TSNARE1: variants seen among roughly 807,000 people sequenced by gnomAD.
The protein encoded by TSNARE1 is t-SNARE domain-containing protein 1.
In TSNARE1, 49 loss-of-function variants were observed where a neutral mutation model predicts 62.0. That is an observed-to-expected ratio of 0.79 (90% CI 0.63 to 1.00). The LOEUF is 1.00. Ranked by LOEUF, TSNARE1 falls within the 50% of genes least tolerant of loss-of-function variation. The pLI is 0.00. For synonymous variants in TSNARE1, 328 were observed against 294.4 expected (o/e 1.11, Z -1.17); for missense variants, 755 against 700.1 (o/e 1.08, Z -0.88).
intron 2 of TSNARE1, among the ~76,000 whole-genome samples, chr8:142,349,782 G>T (rs753423236): frequency 2.0e-5 from 3 of 152,210 alleles, no homozygotes; most frequent in Non-Finnish European, 2.9e-5. Context: ...TGACCACCAG[G>T]CCGGAGGTCT....
chr8:142,230,767 ACCATCCAT>A (rs71313213), intron 12 of TSNARE1, among the ~76,000 whole-genome samples: 66,152 of 148,484 alleles, frequency 0.45, 14,734 homozygotes, highest in South Asian at 0.6. Flanking sequence ...CATTAATGCA[ACCATCCAT>A]CCATCCATCC....
At chr8:142,303,454 T>C (rs544291413) in intron 9 of TSNARE1, among the ~76,000 whole-genome samples, 2 of 152,324 alleles carry the variant, frequency 1.3e-5, no homozygotes, top group Non-Finnish European at 2.9e-5. Context: ...GGGAGAGGAC[T>C]GCGCCTTGGC....
At chr8:142,302,713 C>G (rs1825983763) in intron 9 of TSNARE1, among the ~76,000 whole-genome samples, 2 of 152,200 alleles carry the variant, frequency 1.3e-5, no homozygotes, top group South Asian at 4.1e-4. Context: ...GTCCTAGCCT[C>G]TGAGGGCACA....
intron 10 of TSNARE1, among the ~76,000 whole-genome samples, chr8:142,286,626 G>A (rs950442330): frequency 2.0e-5 from 3 of 152,146 alleles, no homozygotes; most frequent in Non-Finnish European, 2.9e-5. Flanking sequence ...TGGTCTCCTC[G>A]TCACCACCAC....
intron 9 of TSNARE1, among the ~76,000 whole-genome samples, chr8:142,308,190 ACT>A (rs1826999638): frequency 6.6e-6 from 1 of 151,834 alleles, no homozygotes; most frequent in Non-Finnish European, 1.5e-5. Context: ...TGTGGGCTGC[ACT>A]CTCTTCCTGG....
chr8:142,226,797 T>C lies in TSNARE1; in HGVS notation c.*11+2676A>G, dbSNP rs1685241029. ...AGCAGGGGTCAAGAAGGGCTCCCCATGGCAGGGCCCTTCCTAGGGCTCAAA... is the reference window on the plus strand; with the variant it reads ...AGCAGGGGTCAAGAAGGGCTCCCCACGGCAGGGCCCTTCCTAGGGCTCAAA... On this transcript the variant is annotated intron_variant, in intron 13 of 13. Transcript: ENST00000524325. Among the ~76,000 whole-genome samples, 3 of 152,110 alleles carry C rather than the reference T, an allele frequency of 2.0e-5. No homozygotes were observed. The South Asian group carries it at 6.2e-4, about 31-fold the overall frequency.
intron 12 of TSNARE1, among the ~76,000 whole-genome samples, chr8:142,269,009 T>C (rs535401924): frequency 6.6e-6 from 1 of 152,394 alleles, no homozygotes; most frequent in South Asian, 2.1e-4. Context: ...TCATCAAATA[T>C]GTACTGACTT....
intron 4 of TSNARE1, among the ~76,000 whole-genome samples, chr8:142,336,649 C>A (rs1219527779): frequency 1.3e-5 from 2 of 152,188 alleles, no homozygotes; most frequent in African/African-American, 4.8e-5. Context: ...CAAGCAGACA[C>A]AAGAGCATAG....
intron 12 of TSNARE1, chr8:142,270,313 C>T (rs1047000504): frequency 1.6e-5 from 16 of 985,286 alleles, no homozygotes; most frequent in African/African-American, 3.5e-5. Context: ...CTGAAAGCAG[C>T]GGTGCCTGCC....
intron 10 of TSNARE1, among the ~76,000 whole-genome samples, chr8:142,298,775 G>C (rs1200185403): frequency 6.6e-6 from 1 of 152,160 alleles, no homozygotes; most frequent in Non-Finnish European, 1.5e-5. Context: ...GCTGTGACTG[G>C]ACCTTCCCAG....
intron 12 of TSNARE1, among the ~76,000 whole-genome samples, chr8:142,233,846 C>T (rs545420212): frequency 7.5e-4 from 114 of 152,292 alleles, no homozygotes; most frequent in Non-Finnish European, 1.5e-3. Context: ...CATGCTGAGT[C>T]GCTAGGGTCC....
At position 142,331,751 on chromosome 8, in the gene TSNARE1, C is replaced by A. The variant is rs769992911; in HGVS notation, c.823+3G>T. 1 of 1,593,750 alleles carries A rather than the reference C, an allele frequency of 6.3e-7. No individual in the cohort carries two copies. Among genetic ancestry groups the A allele is most frequent in the South Asian group, 1.1e-5 (1 of 87,420 alleles). ...GGCAGGCCCAGGCCAGACGCACACT[C>A]ACCACTGGAGTTGATTCGGAAGACG... On this transcript the variant is annotated splice_donor_region_variant and intron_variant, in intron 5 of 13. Coordinates refer to ENST00000524325, the MANE Select transcript of TSNARE1 (RefSeq NM_145003.5).
intron 12 of TSNARE1, among the ~76,000 whole-genome samples, chr8:142,251,195 C>T (rs1044336711): frequency 6.6e-6 from 1 of 152,056 alleles, no homozygotes; most frequent in African/African-American, 2.4e-5. Context: ...CAGGCCCCCA[C>T]CGCCTTCCAC....
chr8:142,274,831 A>G lies in TSNARE1; in HGVS notation c.1396T>C (p.Ser466Pro), dbSNP rs750090435. The change falls in exon 12 of 14, where the codon TCG becomes CCG. Residue 466 changes from serine to proline, a missense_variant. Ser to Pro is a moderately conservative substitution (Grantham distance 74). Coordinates refer to ENST00000524325, the MANE Select transcript of TSNARE1 (RefSeq NM_145003.5). ...SIEASLEAAS[S>P]HAEAARQLLA... is the part of the protein sequence containing the mutation. ...AGCTGGCGGGCTGCCTCCGCATGCGAGGACGCAGCCTCAAGGCTGGCTTCA... is the reference window on the plus strand; with the variant it reads ...AGCTGGCGGGCTGCCTCCGCATGCGGGGACGCAGCCTCAAGGCTGGCTTCA... 59 of 1,579,992 alleles carry G rather than the reference A, an allele frequency of 3.7e-5. No homozygotes were observed. The highest frequency in any genetic ancestry group is 4.8e-5 in the Non-Finnish European group (56 of 1,163,870).
rs150420838 is a variant in TSNARE1, at chr8:142,361,799, C to T, written c.-39-7036G>A. Among the ~76,000 whole-genome samples, 931 of 152,284 alleles carry T rather than the reference C, an allele frequency of 6.1e-3. 10 individuals carry two copies. The highest frequency in any genetic ancestry group is 0.021 in the African/African-American group (872 of 41,568). ...AGAGGGAGCTGTCAGTTCACAGGGA[C>T]GGGTGCACACACACAGGGAGCAGAG... On this transcript the variant is annotated intron_variant, in intron 1 of 13. Coordinates refer to ENST00000524325, the MANE Select transcript of TSNARE1 (RefSeq NM_145003.5).
At chr8:142,305,244 G>C (rs1826466731) in intron 9 of TSNARE1, among the ~76,000 whole-genome samples, 1 of 152,120 alleles carries the variant, frequency 6.6e-6, no homozygotes, top group South Asian at 2.1e-4. Context: ...TGGGCAGAGG[G>C]TGCCAGGCAC....
At chr8:142,282,878 C>G (rs1380308614) in intron 11 of TSNARE1, among the ~76,000 whole-genome samples, 5 of 110,558 alleles carry the variant, frequency 4.5e-5, no homozygotes, top group African/African-American at 1.1e-4. Context: ...GGGGAGGCCA[C>G]TGTCTGTCAA....
rs150589092 is a variant in TSNARE1, at chr8:142,239,207, G to A, written c.1447-9628C>T. ...GAGTTCAAGGTCCCACTGAGCCTCC[G>A]CTGCCATCAGCAGCCAAACCTTAGC... On this transcript the variant is annotated intron_variant, in intron 12 of 13. Coordinates refer to ENST00000524325, the MANE Select transcript of TSNARE1 (RefSeq NM_145003.5). Among the ~76,000 whole-genome samples, 119 of 152,292 alleles carry A rather than the reference G, an allele frequency of 7.8e-4. 1 individual carries two copies. In the East Asian group the frequency reaches 0.017, roughly 21 times the overall value.
intron 1 of TSNARE1, among the ~76,000 whole-genome samples, chr8:142,355,067 TAA>T (rs1473271480): frequency 6.6e-6 from 1 of 152,128 alleles, no homozygotes; most frequent in Non-Finnish European, 1.5e-5. Context: ...GGCCGGCTCT[TAA>T]AGACCAACCC....
Sources: gnomAD v4.1 joint callset for allele counts (sites outside exome capture counted in the v4.1 genomes callset) on GRCh38, gnomAD v4.1.1 for gene constraint, MANE v1.5 for transcripts, NCBI Gene and HGNC (gene_info 2026-07-23, HGNC 2026-07-21) for gene names.